YAP1: variants seen among roughly 807,000 people sequenced by gnomAD.
YAP1 encodes transcriptional coactivator YAP1.
Under a neutral mutation model 56.9 loss-of-function variants are expected in YAP1, and 5 were observed. The ratio of observed to expected loss-of-function variants is 0.09; its 90% CI spans 0.05 to 0.18. The LOEUF (loss-of-function observed/expected upper bound fraction) is 0.18. Among genes scored for constraint, YAP1 ranks in the 10% least tolerant of loss-of-function variants. YAP1 has a pLI of 1.00. For missense variants in YAP1, 539 were observed against 651.8 expected (o/e 0.83, Z 1.88); for synonymous variants, 265 against 248.1 (o/e 1.07, Z -0.64).
At chr11:102,150,706 TA>T (rs1364983039) in intron 2 of YAP1, among the ~76,000 whole-genome samples, 1 of 152,012 alleles carries the variant, frequency 6.6e-6, no homozygotes. Flanking sequence ...TAAAACATGT[TA>T]AAAATATATT....
At chr11:102,193,020 C>G (rs1362915892) in intron 4 of YAP1, among the ~76,000 whole-genome samples, 1 of 152,150 alleles carries the variant, frequency 6.6e-6, no homozygotes, top group Non-Finnish European at 1.5e-5. Context: ...TTCATGTTAG[C>G]AAAGTTCAGC....
intron 2 of YAP1, among the ~76,000 whole-genome samples, chr11:102,140,418 T>C (rs1944948804): frequency 6.6e-6 from 1 of 152,160 alleles, no homozygotes; most frequent in South Asian, 2.1e-4. Context: ...GGGCATTCTA[T>C]AAAAGAGAAG....
At chr11:102,112,621 C>A (rs1420991579) in intron 1 of YAP1, 2 of 984,982 alleles carry the variant, frequency 2.0e-6, no homozygotes, top group African/African-American at 3.5e-5. Context: ...AGTCTCCTGT[C>A]GGAGACCAAA....
intron 2 of YAP1, among the ~76,000 whole-genome samples, chr11:102,119,470 T>G (rs1027913886): frequency 6.6e-6 from 1 of 152,024 alleles, no homozygotes; most frequent in Admixed American, 6.6e-5. Flanking sequence ...TAGAAAGAAT[T>G]CTAGAACTAT....
intron 2 of YAP1, among the ~76,000 whole-genome samples, chr11:102,117,905 G>A (rs536483836): frequency 5.9e-5 from 9 of 152,174 alleles, no homozygotes; most frequent in South Asian, 2.1e-4. Context: ...GCTGTCTTAC[G>A]GTTTTCCTAC....
At chr11:102,116,446 A>G (rs1252033224) in intron 2 of YAP1, among the ~76,000 whole-genome samples, 1 of 152,166 alleles carries the variant, frequency 6.6e-6, no homozygotes, top group Non-Finnish European at 1.5e-5. Flanking sequence ...TCATTTTTCA[A>G]AGTTTCCAGT....
intron 1 of YAP1, chr11:102,112,422 CTT>C (rs1943001763): frequency 1.1e-6 from 1 of 894,414 alleles, no homozygotes; most frequent in Non-Finnish European, 1.3e-6. Context: ...TTTATTTCTT[CTT>C]CTTTTTTTTT....
At chr11:102,173,522 A>G (rs781015707) in intron 3 of YAP1, among the ~76,000 whole-genome samples, 8 of 152,188 alleles carry the variant, frequency 5.3e-5, no homozygotes, top group Non-Finnish European at 8.8e-5. Flanking sequence ...TGGTAGAACT[A>G]TTCTAAGAAA....
intron 2 of YAP1, among the ~76,000 whole-genome samples, chr11:102,119,421 C>T (rs1555078774): frequency 6.6e-6 from 1 of 152,020 alleles, no homozygotes; most frequent in Non-Finnish European, 1.5e-5. Context: ...AAAGAACAGA[C>T]TGTCACTTGG....
intron 4 of YAP1, among the ~76,000 whole-genome samples, chr11:102,205,007 C>T (rs556977013): frequency 1.7e-4 from 26 of 152,186 alleles, no homozygotes; most frequent in African/African-American, 6.3e-4. Flanking sequence ...GTTTATTATT[C>T]TTACTAACAT....
chr11:102,165,626 G>A (rs1432406834), intron 3 of YAP1, among the ~76,000 whole-genome samples: 1 of 152,004 alleles, frequency 6.6e-6, no homozygotes, highest in Non-Finnish European at 1.5e-5. Flanking sequence ...GCTTGAGCAT[G>A]TTTACAGCGT....
At chr11:102,207,675 C>A (rs1949191104) in intron 5 of YAP1, among the ~76,000 whole-genome samples, 1 of 152,074 alleles carries the variant, frequency 6.6e-6, no homozygotes, top group Non-Finnish European at 1.5e-5. Flanking sequence ...TACCTGAACT[C>A]TGATTTGGGG....
chr11:102,131,184 G>GT (rs1944350109), intron 2 of YAP1, among the ~76,000 whole-genome samples: 2 of 152,284 alleles, frequency 1.3e-5, no homozygotes, highest in East Asian at 3.9e-4. Flanking sequence ...TGTAGTTATA[G>GT]TTTCTAAAAC....
intron 2 of YAP1, among the ~76,000 whole-genome samples, chr11:102,152,388 A>G: frequency 6.6e-6 from 1 of 152,222 alleles, no homozygotes; most frequent in Non-Finnish European, 1.5e-5. Flanking sequence ...GAGGTGACAC[A>G]TAAGGCAGTG....
intron 2 of YAP1, among the ~76,000 whole-genome samples, chr11:102,115,982 A>T (rs761775307): frequency 1.4e-4 from 21 of 152,216 alleles, no homozygotes; most frequent in Non-Finnish European, 2.6e-4. Flanking sequence ...AAAGAGCAAC[A>T]TTTATGCTCT....
At chr11:102,210,353 A>G (rs1254904136) in intron 6 of YAP1, among the ~76,000 whole-genome samples, 1 of 152,222 alleles carries the variant, frequency 6.6e-6, no homozygotes, top group East Asian at 1.9e-4. Flanking sequence ...CTTACTCTGC[A>G]CTATGCTAAA....
At chr11:102,166,849 T>G (rs1946643579) in intron 3 of YAP1, among the ~76,000 whole-genome samples, 1 of 152,228 alleles carries the variant, frequency 6.6e-6, no homozygotes, top group African/African-American at 2.4e-5. Flanking sequence ...TGAGATCTTG[T>G]TCCTCATCCA....
At position 102,201,076 on chromosome 11, in the gene YAP1, C is replaced by T. The variant is rs1478375927; in HGVS notation, c.803-4817C>T. On this transcript the variant is annotated intron_variant, in intron 4 of 8. Transcript: ENST00000282441. ...TCAACTAAGCAATCTCCCGTATAGACATCTACCCAAAGATATAGTAGCAGA... is the reference window on the plus strand; with the variant it reads ...TCAACTAAGCAATCTCCCGTATAGATATCTACCCAAAGATATAGTAGCAGA... Among the ~76,000 whole-genome samples, 5 of 152,166 alleles carry T rather than the reference C, an allele frequency of 3.3e-5. No homozygotes were observed. The South Asian group carries it at 1.0e-3, about 32-fold the overall frequency.
intron 3 of YAP1, among the ~76,000 whole-genome samples, chr11:102,171,593 C>G (rs1185828113): frequency 1.3e-5 from 2 of 152,176 alleles, no homozygotes; most frequent in African/African-American, 4.8e-5. Flanking sequence ...TAAACTAACT[C>G]TAAGCCATTT....
Sources: allele counts gnomAD v4.1 joint callset (sites outside exome capture counted in the v4.1 genomes callset), GRCh38; gene constraint gnomAD v4.1.1; transcripts MANE v1.5; gene names NCBI Gene and HGNC (gene_info 2026-07-23, HGNC 2026-07-21).